PRKN: variants seen among roughly 807,000 people sequenced by gnomAD.
PRKN encodes parkin RBR E3 ubiquitin protein ligase.
In PRKN, 56 loss-of-function variants were observed where a neutral mutation model predicts 59.5. The observed-to-expected ratio is 0.94, with a 90% CI of 0.76 to 1.18. The LOEUF is 1.18. PRKN is among the 50% of genes most tolerant of loss of function. PRKN has a pLI of 0.00. For missense variants in PRKN, 657 were observed against 596.4 expected, an observed-to-expected ratio of 1.10 and a Z score of -1.06; for synonymous variants, 250 against 222.1, an observed-to-expected ratio of 1.13 and a Z score of -1.12.
intron 2 of PRKN, among the ~76,000 whole-genome samples, chr6:162,395,820 G>A (rs1388492437): frequency 6.6e-6 from 1 of 152,196 alleles, no homozygotes; most frequent in Non-Finnish European, 1.5e-5. Flanking sequence ...GGCCTAGTCT[G>A]TCTAGCTGAG....
intron 2 of PRKN, among the ~76,000 whole-genome samples, chr6:162,351,887 T>C (rs1784642206): frequency 1.3e-5 from 2 of 152,178 alleles, no homozygotes; most frequent in Middle Eastern, 3.4e-3. Context: ...ACTTTTCTGC[T>C]AGAGTTTTTT....
At chr6:162,297,958 A>G (rs1781755013) in intron 2 of PRKN, among the ~76,000 whole-genome samples, 2 of 152,166 alleles carry the variant, frequency 1.3e-5, no homozygotes, top group African/African-American at 4.8e-5. Flanking sequence ...AATCAGGATT[A>G]TAGCTGTGGG....
intron 6 of PRKN, among the ~76,000 whole-genome samples, chr6:161,915,917 A>G (rs775554218): frequency 1.3e-5 from 2 of 152,234 alleles, no homozygotes; most frequent in Non-Finnish European, 2.9e-5. Context: ...AAGAATCCAC[A>G]GTGCAAATTG....
intron 1 of PRKN, among the ~76,000 whole-genome samples, chr6:162,571,005 T>C (rs11969575): frequency 0.22 from 34,137 of 152,114 alleles, 4,612 homozygotes; most frequent in African/African-American, 0.38. Flanking sequence ...CATGTTGTGA[T>C]TATTTCACAT....
rs1166625637 is a variant in PRKN at position 161,405,610 on chromosome 6, A to AT, written c.1084-18734dup. Among the ~76,000 whole-genome samples, 1 of 74,852 alleles carries AT rather than the reference A, an allele frequency of 1.3e-5. No individual in the cohort carries two copies. The highest frequency in any genetic ancestry group is 2.5e-4 in the East Asian group (1 of 3,946). 49.1% of individuals were successfully genotyped at this position (74,852 alleles called of 152,430 possible). Reference sequence around the variant, plus strand: ...AAATAAAATAAAATAAAAATTAAAAATAAATAAATAAATAAATAAATAAAT... The same window carrying AT: ...AAATAAAATAAAATAAAAATTAAAAATTAAATAAATAAATAAATAAATAAAT... On this transcript the variant is annotated intron_variant, in intron 9 of 11. Transcript: ENST00000366898. The surrounding 1 kb of genome is among the most constrained non-coding windows in gnomAD (Gnocchi z 5.1).
intron 1 of PRKN, among the ~76,000 whole-genome samples, chr6:162,629,561 T>C (rs141313490): frequency 5.2e-4 from 79 of 152,300 alleles, no homozygotes; most frequent in African/African-American, 1.7e-3. Flanking sequence ...TTAATGTTAA[T>C]TAATTGATAA....
intron 1 of PRKN, among the ~76,000 whole-genome samples, chr6:162,647,909 C>G (rs1283872437): frequency 7.9e-6 from 1 of 126,650 alleles, no homozygotes; most frequent in East Asian, 2.5e-4. Context: ...TTAGAGCTCC[C>G]AGTGCTAGGT....
At chr6:162,132,589 G>A (rs951698033) in intron 4 of PRKN, among the ~76,000 whole-genome samples, 10 of 152,226 alleles carry the variant, frequency 6.6e-5, no homozygotes, top group Admixed American at 2.0e-4. Context: ...TAATAACGAC[G>A]TTGTAACTAG....
At chr6:162,315,344 A>C (rs1357162712) in intron 2 of PRKN, among the ~76,000 whole-genome samples, 1 of 152,196 alleles carries the variant, frequency 6.6e-6, no homozygotes, top group Non-Finnish European at 1.5e-5. Flanking sequence ...TTATTCGGTT[A>C]ATTCAGTGAA....
At chr6:162,454,946 G>A (rs868347582) in intron 1 of PRKN, among the ~76,000 whole-genome samples, 5 of 152,150 alleles carry the variant, frequency 3.3e-5, no homozygotes, top group East Asian at 1.9e-4. Context: ...CATTAGGAAC[G>A]ATGATGTATT....
At chr6:162,284,475 C>T (rs1399032023) in intron 2 of PRKN, among the ~76,000 whole-genome samples, 10 of 151,956 alleles carry the variant, frequency 6.6e-5, no homozygotes, top group African/African-American at 1.7e-4. Context: ...CCACCTGCCT[C>T]GGTCTCCCAA....
At chr6:162,400,335 G>A (rs994397890) in intron 2 of PRKN, among the ~76,000 whole-genome samples, 1 of 151,290 alleles carries the variant, frequency 6.6e-6, no homozygotes, top group African/African-American at 2.4e-5. Context: ...TTATTAAAAT[G>A]ATCAGTTTGT....
At chr6:162,483,553 T>C (rs114942872) in intron 1 of PRKN, among the ~76,000 whole-genome samples, 12,020 of 119,172 alleles carry the variant, frequency 0.1, 1,416 homozygotes, top group African/African-American at 0.3. Flanking sequence ...AGAAGGGACG[T>C]AGGGAAGGAG....
intron 4 of PRKN, among the ~76,000 whole-genome samples, chr6:162,171,949 A>G (rs2128319892): frequency 1.3e-5 from 2 of 152,242 alleles, no homozygotes; most frequent in African/African-American, 4.8e-5. Flanking sequence ...GCCACTACAT[A>G]GCTCTTCCTT....
At chr6:162,667,390 AGC>A (rs1345883868) in intron 1 of PRKN, among the ~76,000 whole-genome samples, 1 of 152,124 alleles carries the variant, frequency 6.6e-6, no homozygotes, top group African/African-American at 2.4e-5. Context: ...ATTTTAGTTA[AGC>A]TTTCAACCAC....
At chr6:161,953,292 A>G (rs1780054152) in intron 6 of PRKN, among the ~76,000 whole-genome samples, 1 of 152,062 alleles carries the variant, frequency 6.6e-6, no homozygotes, top group Non-Finnish European at 1.5e-5. Context: ...TTTAATTTTA[A>G]TAAAGACGGG....
In PRKN at chr6:161,876,358, C is replaced by T. The variant is rs561698886; in HGVS notation, c.735-90450G>A. ...ACAGAGTCTTGCTATGTTGTCCAGA[C>T]GGAAGTACAGTGGCACAATGACAGC... On this transcript the variant is annotated intron_variant, in intron 6 of 11. Coordinates refer to ENST00000366898, the MANE Select transcript of PRKN (RefSeq NM_004562.3). Among the ~76,000 whole-genome samples the T allele has an allele frequency of 1.6e-4, 25 of 152,230 alleles. 2 individuals carry two copies. The South Asian group carries it at 5.0e-3, about 31-fold the overall frequency.
chr6:162,706,783 A>C lies in PRKN; in HGVS notation c.7+20879T>G, dbSNP rs541067475. ...TTTTATCTATTTCATTTTCTCTTCT[A>C]TTTGCAAAACATAAAGGGAATGTAT... On this transcript the variant is annotated intron_variant, in intron 1 of 11. Coordinates refer to ENST00000366898, the MANE Select transcript of PRKN (RefSeq NM_004562.3). 3.3e-5 allele frequency among the ~76,000 whole-genome samples: 5 copies of C among 151,804 alleles called. No individual in the cohort carries two copies. In the South Asian group the frequency reaches 6.2e-4, roughly 19 times the overall value.
intron 1 of PRKN, among the ~76,000 whole-genome samples, chr6:162,499,783 A>G (rs1793277116): frequency 6.6e-6 from 1 of 152,158 alleles, no homozygotes; most frequent in Non-Finnish European, 1.5e-5. Context: ...ACTTAAAAAC[A>G]TTATTTGTTT....
Sources: gnomAD v4.1 joint callset for allele counts (sites outside exome capture counted in the v4.1 genomes callset) on GRCh38, gnomAD v4.1.1 for gene constraint, Gnocchi (gnomAD v3.1) non-coding constraint, MANE v1.5 for transcripts, NCBI Gene and HGNC (gene_info 2026-07-23, HGNC 2026-07-21) for gene names.